Variants in NLRP1 observed in about 807,000 individuals in gnomAD.
The protein encoded by NLRP1 is NACHT, LRR and PYD domains-containing protein 1.
Under a neutral mutation model 136.7 loss-of-function variants are expected in NLRP1, and 94 were observed. That is an observed-to-expected ratio of 0.69 (90% CI 0.58 to 0.82). The LOEUF (loss-of-function observed/expected upper bound fraction) is 0.82, where lower values mean the gene tolerates loss of function less well. NLRP1 is among the 40% of genes least tolerant of loss of function. The probability of loss-of-function intolerance (pLI) is 0.00; values close to 1 mark genes in which losing one functional copy is unlikely to be tolerated. For missense variants in NLRP1, 1,575 were observed against 1,802.7 expected (o/e 0.87, Z 2.29); for synonymous variants, 690 against 725.1 (o/e 0.95, Z 0.78).
At chr17:5,561,246 G>A (rs1914706489) in intron 3 of NLRP1, among the ~76,000 whole-genome samples, 1 of 152,028 alleles carries the variant, frequency 6.6e-6, no homozygotes, top group African/African-American at 2.4e-5. Flanking sequence ...GTAGAGATGG[G>A]GTTTCACCAT....
intron 5 of NLRP1, among the ~76,000 whole-genome samples, chr17:5,542,969 A>ACT (rs1912068408): frequency 6.6e-6 from 1 of 152,106 alleles, no homozygotes; most frequent in African/African-American, 2.4e-5. Context: ...AGCTGGGATT[A>ACT]CAGGTGCCTG....
chr17:5,562,428 C>G (rs896161137), intron 3 of NLRP1, among the ~76,000 whole-genome samples: 15 of 152,228 alleles, frequency 9.9e-5, no homozygotes, highest in Non-Finnish European at 1.9e-4. Context: ...TGTCTGCCAA[C>G]CACGGCCCCT....
At chr17:5,538,781 C>T (rs184523497) in intron 7 of NLRP1, among the ~76,000 whole-genome samples, 2 of 152,258 alleles carry the variant, frequency 1.3e-5, no homozygotes, top group Non-Finnish European at 2.9e-5. Context: ...GTGAGGGGAA[C>T]CTGAGCGTCC....
rs1555542709 is a variant in NLRP1, at chr17:5,521,486, A to T, written c.3783+38T>A. Reference sequence around the variant, plus strand: ...TGGCTGCATTTTGTGTTTACCGTCAACCCACCGTGGCCCAGCCTTTCTGGC... The same window carrying T: ...TGGCTGCATTTTGTGTTTACCGTCATCCCACCGTGGCCCAGCCTTTCTGGC... On this transcript the variant is annotated intron_variant, in intron 13 of 16. Transcript: ENST00000572272. 3.1e-6 allele frequency: 5 copies of T among 1,596,946 alleles called. No individual in the cohort carries two copies. In the South Asian group the frequency reaches 4.5e-5, roughly 14 times the overall value.
Position 5,520,967 on chromosome 17 carries a change from T to C in NLRP1, c.3829A>G (p.Lys1277Glu). ...TAAAGTGGGGTCAGCGGGGGTGGCTTGTGGATTCGCACAAACTGGAATTTC... is the reference window on the plus strand; with the variant it reads ...TAAAGTGGGGTCAGCGGGGGTGGCTCGTGGATTCGCACAAACTGGAATTTC... ...EMKFQFVRIHKPPPLTPLYMG... is the reference protein window; with the variant it reads ...EMKFQFVRIHEPPPLTPLYMG... The change falls in exon 14 of 17, where the codon AAG (lysine) becomes GAG (glutamate). Residue 1277 changes from lysine to glutamate, a missense_variant. Lys to Glu is a moderately conservative substitution (Grantham distance 56, BLOSUM62 1). Coordinates refer to ENST00000572272, the MANE Select transcript of NLRP1 (RefSeq NM_033004.4). 1 of 1,612,202 alleles carries C rather than the reference T, an allele frequency of 6.2e-7. No individual in the cohort carries two copies. The highest frequency in any genetic ancestry group is 1.1e-5 in the South Asian group (1 of 90,652).
chr17:5,562,451 C>T (rs1318540941), intron 3 of NLRP1, among the ~76,000 whole-genome samples: 1 of 152,162 alleles, frequency 6.6e-6, no homozygotes, highest in African/African-American at 2.4e-5. Context: ...CTGAAGGAAC[C>T]CCGTTTACCA....
Position 5,517,873 on chromosome 17 carries a change from G to T in NLRP1, c.3930C>A (p.Cys1310Ter), listed in dbSNP as rs141522655. The T allele has an allele frequency of 1.3e-5, 21 of 1,613,948 alleles. No homozygotes were observed. Among genetic ancestry groups the T allele is most frequent in the Non-Finnish European group, 1.7e-5 (20 of 1,180,000 alleles). Residue 1310 changes from cysteine (C) to a stop codon, truncating the protein, a stop_gained, in exon 15 of 17, where the codon TGC becomes TGA. Coordinates refer to ENST00000572272, the MANE Select transcript of NLRP1 (RefSeq NM_033004.4). LOFTEE classifies it high-confidence loss of function. ...LEILPKELELCYRSPGEDQLF... is the reference protein window; with the variant it reads ...LEILPKELEL The stretch of plus-strand genomic sequence containing the variant: ...GCTGGTCTTCTCCAGGGCTTCGATA[G>T]CAGAGCTCCAGTTCCTGAAGAGGCA...
chr17:5,510,340 C>T (rs771038810), downstream of NLRP1, among the ~76,000 whole-genome samples: 4 of 151,790 alleles, frequency 2.6e-5, no homozygotes, highest in African/African-American at 4.8e-5. Context: ...GCATGTACCA[C>T]GATGCCCGGC....
rs1915459861 is a variant in NLRP1 at position 5,567,471 on chromosome 17, C to T, written c.653-7428G>A. On this transcript the variant is annotated intron_variant, in intron 3 of 16. Coordinates refer to ENST00000572272, the MANE Select transcript of NLRP1 (RefSeq NM_033004.4). ...ACTAATAAAAACTTAACTTCATTTCCCAGCTTTTTAAACTTTTTGTTGTTT... is the reference window on the plus strand; with the variant it reads ...ACTAATAAAAACTTAACTTCATTTCTCAGCTTTTTAAACTTTTTGTTGTTT... Among the ~76,000 whole-genome samples the T allele has an allele frequency of 2.6e-5, 4 of 152,010 alleles. No individual in the cohort carries two copies. The South Asian group carries it at 8.3e-4, about 32-fold the overall frequency.
chr17:5,557,467 C>T (rs1914221007), intron 4 of NLRP1, among the ~76,000 whole-genome samples: 1 of 152,218 alleles, frequency 6.6e-6, no homozygotes, highest in South Asian at 2.1e-4. Flanking sequence ...AGTACCTTGT[C>T]CATACCTCTA....
chr17:5,511,229 G>A (rs1207886410), downstream of NLRP1, among the ~76,000 whole-genome samples: 3 of 151,928 alleles, frequency 2.0e-5, no homozygotes, highest in African/African-American at 7.3e-5. Context: ...CCAGGAGTTC[G>A]AGACCAGCCT....
At chr17:5,515,136 T>C in intron 16 of NLRP1, 63 bp from the exon 17 acceptor site, 2 of 1,443,734 alleles carry the variant, frequency 1.4e-6, no homozygotes, top group South Asian at 1.2e-5. Flanking sequence ...CCTTCAGTGC[T>C]TTCCTCTCTC....
intron 14 of NLRP1, chr17:5,518,560 CTTTTT>C (rs989606826): frequency 6.9e-6 from 1 of 145,566 alleles, no homozygotes; most frequent in Non-Finnish European, 1.5e-5. Context: ...TTCTCTTTTT[CTTTTT>C]TGTTTCTTTT....
intron 13 of NLRP1, 22 bp downstream of exon 13, chr17:5,521,502 C>T: frequency 6.2e-7 from 1 of 1,606,230 alleles, no homozygotes; most frequent in East Asian, 2.2e-5. Flanking sequence ...CGTGGCCCAG[C>T]CTTTCTGGCT....
chr17:5,514,723 G>C lies in NLRP1; in HGVS notation c.*31C>G, dbSNP rs1490910512. On this transcript the variant is annotated 3_prime_UTR_variant, in exon 17 of 17. Coordinates refer to ENST00000572272, the MANE Select transcript of NLRP1 (RefSeq NM_033004.4). The stretch of plus-strand genomic sequence containing the variant: ...CCAAAGAAGGGTCAGCCAAAGCCAG[G>C]ACTCAAGGGTCAAGGGCTGGTGTTG... 1 of 1,607,196 alleles carries C rather than the reference G, an allele frequency of 6.2e-7. No homozygotes were observed. Among genetic ancestry groups the C allele is most frequent in the Admixed American group, 1.7e-5 (1 of 59,814 alleles).
chr17:5,560,100 T>C (rs1361213197), intron 3 of NLRP1, 57 bp from the exon 4 acceptor site: 26 of 1,428,338 alleles, frequency 1.8e-5, no homozygotes, highest in Non-Finnish European at 2.4e-5. Context: ...AATTAATTAA[T>C]TAATTAAACA....
intron 3 of NLRP1, among the ~76,000 whole-genome samples, chr17:5,578,510 A>T (rs145225267): frequency 0.038 from 5,829 of 152,344 alleles, 352 homozygotes; most frequent in African/African-American, 0.13. Context: ...ATATGAAAAA[A>T]TGCTCATCAT....
At chr17:5,506,032 C>T (rs1907314478) in intron 15 of NLRP1, 1 of 152,188 alleles carries the variant, frequency 6.6e-6, no homozygotes, top group Admixed American at 6.5e-5. Context: ...TGTCTGTAAT[C>T]CCAGCACTTT....
At chr17:5,556,115 T>TACACACACACACACAC (rs59028107) in intron 4 of NLRP1, among the ~76,000 whole-genome samples, 1 of 119,006 alleles carries the variant, frequency 8.4e-6, no homozygotes, top group Non-Finnish European at 1.7e-5. Flanking sequence ...TCTCTCTCTC[T>TACACACACACACACAC]ACACACACAC....
Sources: allele counts gnomAD v4.1 joint callset (sites outside exome capture counted in the v4.1 genomes callset), GRCh38; gene constraint gnomAD v4.1.1; transcripts MANE v1.5; gene names NCBI Gene and HGNC (gene_info 2026-07-23, HGNC 2026-07-21).